ARHGAP17: variants seen among roughly 807,000 people sequenced by gnomAD.
The protein encoded by ARHGAP17 is Rho GTPase activating protein 17.
A neutral mutation model predicts 99.5 loss-of-function variants in ARHGAP17; 57 were observed. The observed-to-expected ratio is 0.57, with a 90% CI of 0.46 to 0.71. The LOEUF (loss-of-function observed/expected upper bound fraction) is 0.71, where lower values mean the gene tolerates loss of function less well. Among genes scored for constraint, ARHGAP17 ranks in the 30% least tolerant of loss-of-function variants. The pLI, the probability that ARHGAP17 is intolerant of heterozygous loss-of-function variation, is 0.00. For missense variants in ARHGAP17, 1,000 were observed against 1,122.4 expected, an observed-to-expected ratio of 0.89 and a Z score of 1.56; for synonymous variants, 417 against 429.6, an observed-to-expected ratio of 0.97 and a Z score of 0.36.
At chr16:24,953,066 G>A in intron 10 of ARHGAP17, 24 bp from the exon 11 acceptor site, 1 of 1,608,706 alleles carries the variant, frequency 6.2e-7, no homozygotes, top group South Asian at 1.1e-5. Context: ...AAAGCCATCA[G>A]CATCAAGTGC....
At chr16:24,983,973 C>A (rs2052779314) in intron 1 of ARHGAP17, among the ~76,000 whole-genome samples, 1 of 152,148 alleles carries the variant, frequency 6.6e-6, no homozygotes, top group African/African-American at 2.4e-5. Context: ...AATGTCCAAC[C>A]CTGCAGTGTG....
At chr16:24,950,785 C>T (rs980215912) in intron 12 of ARHGAP17, among the ~76,000 whole-genome samples, 1 of 144,220 alleles carries the variant, frequency 6.9e-6, no homozygotes, top group Admixed American at 7.2e-5. Context: ...TGCAGTGACC[C>T]TAGACTGTGC....
intron 1 of ARHGAP17, among the ~76,000 whole-genome samples, chr16:24,987,498 C>T (rs1230838154): frequency 1.3e-5 from 2 of 152,208 alleles, no homozygotes; most frequent in African/African-American, 2.4e-5. Flanking sequence ...TCCCAACTTG[C>T]ATTTCAGAGG....
chr16:24,935,140 G>A (rs1432303095), intron 18 of ARHGAP17, among the ~76,000 whole-genome samples: 1 of 152,140 alleles, frequency 6.6e-6, no homozygotes, highest in Admixed American at 6.5e-5. Flanking sequence ...GTGCCTCCCA[G>A]ACCCACAAAG....
At chr16:24,951,956 C>T (rs1035214605) in intron 12 of ARHGAP17, among the ~76,000 whole-genome samples, 3 of 152,132 alleles carry the variant, frequency 2.0e-5, no homozygotes, top group African/African-American at 4.8e-5. Flanking sequence ...CACACTGCCA[C>T]GGGTCAGTAT....
At chr16:24,967,884 G>A (rs952577001) in intron 6 of ARHGAP17, among the ~76,000 whole-genome samples, 2 of 151,856 alleles carry the variant, frequency 1.3e-5, no homozygotes, top group African/African-American at 2.4e-5. Context: ...AGACTCCTTC[G>A]CTGGCATCAG....
intron 19 of ARHGAP17, chr16:24,920,478 G>A (rs1341279953): frequency 5.8e-6 from 3 of 513,208 alleles, no homozygotes; most frequent in East Asian, 3.6e-5. Context: ...GGGCTCCGAC[G>A]TTGCTTGCTA....
At chr16:24,979,078 T>G in intron 1 of ARHGAP17, 73 bp from the exon 2 acceptor site, 3 of 1,098,790 alleles carry the variant, frequency 2.7e-6, no homozygotes, top group Non-Finnish European at 2.6e-6. Flanking sequence ...TAATAATTAT[T>G]AGCCTGGAGT....
chr16:24,976,364 C>T (rs112194978), intron 3 of ARHGAP17, among the ~76,000 whole-genome samples: 25 of 152,086 alleles, frequency 1.6e-4, no homozygotes, highest in African/African-American at 6.0e-4. Flanking sequence ...CCCATCTCTA[C>T]AAAAAAATTT....
In ARHGAP17 at chr16:24,939,538, T is replaced by C. The variant is rs1345434773; in HGVS notation, c.1550A>G (p.Lys517Arg). The change falls in exon 17 of 20, where the codon AAG (lysine) becomes AGG (arginine). Residue 517 changes from lysine (K) to arginine (R), a missense_variant. Coordinates refer to ENST00000289968, the MANE Select transcript of ARHGAP17 (RefSeq NM_001006634.3). ...AHRRGGTLNR[K>R]HISPAFQPPL... ...CGGCTGGAAAGCGGGGGATATGTGC[T>C]TTCTATTTAGAGTGCCACCCCGCCG... The C allele has an allele frequency of 6.2e-7, 1 of 1,608,492 alleles. No homozygotes were observed. Among genetic ancestry groups the C allele is most frequent in the Non-Finnish European group, 8.5e-7 (1 of 1,178,318 alleles).
chr16:24,938,357 G>A (rs1435850427), intron 17 of ARHGAP17, among the ~76,000 whole-genome samples: 1 of 150,002 alleles, frequency 6.7e-6, no homozygotes, highest in East Asian at 2.0e-4. Context: ...GAGTGGGACT[G>A]TCTCAAAAAA....
chr16:24,925,453 A>T (rs1338060341), intron 19 of ARHGAP17, among the ~76,000 whole-genome samples: 1 of 152,214 alleles, frequency 6.6e-6, no homozygotes. Context: ...TGGTTGAAGT[A>T]GAATTGTGTA....
intron 17 of ARHGAP17, among the ~76,000 whole-genome samples, chr16:24,939,137 G>T (rs1187016639): frequency 6.6e-6 from 1 of 152,238 alleles, no homozygotes; most frequent in Non-Finnish European, 1.5e-5. Context: ...CACCAAAGCA[G>T]TGTGGCAAAG....
At chr16:24,953,908 G>A (rs866184045) in intron 10 of ARHGAP17, among the ~76,000 whole-genome samples, 1 of 152,184 alleles carries the variant, frequency 6.6e-6, no homozygotes. Flanking sequence ...CACAAGGAGG[G>A]CTTCCGGGAT....
chr16:24,931,468 G>A, intron 18 of ARHGAP17, 64 bp from the exon 19 acceptor site: 1 of 1,455,666 alleles, frequency 6.9e-7, no homozygotes, highest in Non-Finnish European at 9.0e-7. Flanking sequence ...ACCCTGGCCA[G>A]GAGCCCAAAT....
intron 6 of ARHGAP17, among the ~76,000 whole-genome samples, chr16:24,964,991 A>C (rs1439283433): frequency 6.6e-6 from 1 of 152,204 alleles, no homozygotes; most frequent in Admixed American, 6.5e-5. Context: ...ATAGCTATGA[A>C]AGCACTAAAA....
intron 1 of ARHGAP17, among the ~76,000 whole-genome samples, chr16:24,999,399 TTTTATTTATTTA>T (rs138044912): frequency 4.7e-5 from 7 of 149,390 alleles, no homozygotes; most frequent in Non-Finnish European, 7.4e-5. Context: ...TCTACAGGTG[TTTTATTTATTTA>T]TTTATTTATT....
intron 13 of ARHGAP17, 92 bp from the exon 14 acceptor site, chr16:24,947,687 A>C: frequency 2.0e-6 from 2 of 1,020,362 alleles, no homozygotes; most frequent in Non-Finnish European, 3.0e-6. Context: ...CAGTTTGCTC[A>C]GGTGCTAACT....
chr16:24,937,606 G>T (rs1353039034), intron 17 of ARHGAP17, among the ~76,000 whole-genome samples: 2 of 152,218 alleles, frequency 1.3e-5, no homozygotes, highest in Non-Finnish European at 2.9e-5. Flanking sequence ...GAAGCCCTAA[G>T]AAGTCTGAAG....
Sources: allele counts gnomAD v4.1 joint callset (sites outside exome capture counted in the v4.1 genomes callset), GRCh38; gene constraint gnomAD v4.1.1; transcripts MANE v1.5; gene names NCBI Gene and HGNC (gene_info 2026-07-23, HGNC 2026-07-21).